Variants in NIM1K observed in about 807,000 individuals in gnomAD.
NIM1K encodes the protein serine/threonine-protein kinase NIM1.
Under a neutral mutation model 37.1 loss-of-function variants are expected in NIM1K, and 35 were observed. That is an observed-to-expected ratio of 0.94 (90% CI 0.72 to 1.25). The LOEUF (loss-of-function observed/expected upper bound fraction) is 1.25, where lower values mean the gene tolerates loss of function less well. Ranked by LOEUF, NIM1K falls within the 50% of genes most tolerant of loss-of-function variation. The probability of loss-of-function intolerance (pLI) is 0.00; values close to 1 mark genes in which losing one functional copy is unlikely to be tolerated. For synonymous variants in NIM1K, 234 were observed against 206.6 expected, an observed-to-expected ratio of 1.13 and a Z score of -1.14; for missense variants, 564 against 548.0, an observed-to-expected ratio of 1.03 and a Z score of -0.29.
chr5:43,236,126 C>T (rs1249068709), intron 1 of NIM1K, among the ~76,000 whole-genome samples: 1 of 151,704 alleles, frequency 6.6e-6, no homozygotes, highest in Non-Finnish European at 1.5e-5. Context: ...AATAACCAGG[C>T]ATGGTGGTGT....
chr5:43,253,224 G>GAATATAA (rs1561088082), intron 2 of NIM1K, among the ~76,000 whole-genome samples: 4 of 117,894 alleles, frequency 3.4e-5, no homozygotes, highest in East Asian at 7.5e-4. Flanking sequence ...GTGTGTGTGT[G>GAATATAA]TGTGTGTGTG....
intron 2 of NIM1K, among the ~76,000 whole-genome samples, chr5:43,261,741 A>C (rs1304238673): frequency 6.6e-6 from 1 of 152,112 alleles, no homozygotes; most frequent in Non-Finnish European, 1.5e-5. Flanking sequence ...TTATAGTTTT[A>C]GGTCTAACAT....
At chr5:43,253,437 G>T (rs1752898841) in intron 2 of NIM1K, among the ~76,000 whole-genome samples, 1 of 151,726 alleles carries the variant, frequency 6.6e-6, no homozygotes. Context: ...AATTTCACAG[G>T]AGAAGGAGGA....
At chr5:43,228,295 C>T (rs577971013) in intron 1 of NIM1K, among the ~76,000 whole-genome samples, 20 of 151,846 alleles carry the variant, frequency 1.3e-4, no homozygotes, top group Admixed American at 1.0e-3. Flanking sequence ...TACAGGTGCC[C>T]GCCACCACAC....
chr5:43,253,212 A>ATAATATAATATATGTGTGTG lies in NIM1K; in HGVS notation c.292+7146_292+7147insAATATAATATATGTGTGTGT, dbSNP rs1300038063. ...TATAATATAATATATAATATAATATATGTGTGTGTGTGTGTGTGTGTGTGT... is the reference window on the plus strand; with the variant it reads ...TATAATATAATATATAATATAATATATAATATAATATATGTGTGTGTGTGTGTGTGTGTGTGTGTGTGTGT... On this transcript the variant is annotated intron_variant, in intron 2 of 3. Transcript: ENST00000326035. Among the ~76,000 whole-genome samples the ATAATATAATATATGTGTGTG allele has an allele frequency of 1.6e-3, 215 of 131,724 alleles. 5 individuals are homozygous for ATAATATAATATATGTGTGTG. In the East Asian group the frequency reaches 0.036, roughly 22 times the overall value. The allele number at this position is 131,724 out of a possible 152,430, so 86.4% of individuals were successfully genotyped here.
chr5:43,232,352 A>T, intron 1 of NIM1K: 2 of 1,334,502 alleles, frequency 1.5e-6, no homozygotes, highest in Non-Finnish European at 2.1e-6. Context: ...CAGAGATGAC[A>T]GGGCATATGT....
intron 1 of NIM1K, chr5:43,240,349 A>C (rs1181972057): frequency 6.6e-6 from 1 of 151,994 alleles, no homozygotes; most frequent in Non-Finnish European, 1.5e-5. Flanking sequence ...TGCTGGGATT[A>C]TAGGTGTGAG....
rs545710474 is a variant in NIM1K at position 43,238,535 on chromosome 5, T to C, written c.-694-6547T>C. On this transcript the variant is annotated intron_variant, in intron 1 of 3. Transcript: ENST00000326035. ...AGATTGTTTTTTAGGTTGAGCATGG[T>C]TTCTTTCTTTCATTTTGGAGCCTTT... 4.6e-5 allele frequency among the ~76,000 whole-genome samples: 7 copies of C among 151,992 alleles called. No individual in the cohort carries two copies. The South Asian group carries it at 1.4e-3, about 31-fold the overall frequency.
chr5:43,238,187 C>T (rs1016143438), intron 1 of NIM1K, among the ~76,000 whole-genome samples: 10 of 151,802 alleles, frequency 6.6e-5, no homozygotes, highest in Non-Finnish European at 1.5e-4. Context: ...GAACTACAGG[C>T]GCCCGCCACC....
intron 1 of NIM1K, among the ~76,000 whole-genome samples, chr5:43,220,894 AGAGAAGAAGGCAG>A (rs1303235456): frequency 6.6e-6 from 1 of 152,184 alleles, no homozygotes; most frequent in Non-Finnish European, 1.5e-5. Flanking sequence ...GGGGGACATG[AGAGAAGAAGGCAG>A]TAAGCATAGG....
At position 43,249,420 on chromosome 5, in the gene NIM1K, C is replaced by T. The variant is rs758767572; in HGVS notation, c.292+3353C>T. Among the ~76,000 whole-genome samples, 21 of 152,116 alleles carry T rather than the reference C, an allele frequency of 1.4e-4. No individual in the cohort carries two copies. In the East Asian group the frequency reaches 1.7e-3, roughly 13 times the overall value. ...GTCTTCAACTGAGAAAACACCTGCA[C>T]GACACACCCATAATAATGTTTAATG... On this transcript the variant is annotated intron_variant, in intron 2 of 3. Coordinates refer to ENST00000326035, the MANE Select transcript of NIM1K (RefSeq NM_153361.4).
intron 1 of NIM1K, among the ~76,000 whole-genome samples, chr5:43,195,414 T>C (rs1751897339): frequency 6.6e-6 from 1 of 152,002 alleles, no homozygotes; most frequent in African/African-American, 2.4e-5. Context: ...TCCCAATACT[T>C]TGGGAGGCTG....
intron 2 of NIM1K, among the ~76,000 whole-genome samples, chr5:43,264,187 TG>T (rs1352108691): frequency 6.6e-6 from 1 of 152,212 alleles, no homozygotes; most frequent in African/African-American, 2.4e-5. Context: ...GTTAACTTTC[TG>T]TCTCATTGAT....
Position 43,277,062 on chromosome 5 carries a change from G to A in NIM1K, c.298G>A (p.Val100Met). The change falls in exon 3 of 4, where the codon GTG becomes ATG. Residue 100 changes from valine to methionine, a missense_variant. By Grantham distance (21) the Val-to-Met change is conservative. Transcript: ENST00000326035. ...LGIHSLTKEK[V>M]AIKILDKTKL... ...TTTACTTTTTTTCCTTGCAGAAAAGGTGGCCATTAAGATCCTGGACAAGAC... is the reference window on the plus strand; with the variant it reads ...TTTACTTTTTTTCCTTGCAGAAAAGATGGCCATTAAGATCCTGGACAAGAC... 4 of 1,612,642 alleles carry A rather than the reference G, an allele frequency of 2.5e-6. No individual in the cohort carries two copies. Among genetic ancestry groups the A allele is most frequent in the Non-Finnish European group, 3.4e-6 (4 of 1,179,616 alleles).
At chr5:43,274,724 G>A (rs1753312573) in intron 2 of NIM1K, among the ~76,000 whole-genome samples, 1 of 152,200 alleles carries the variant, frequency 6.6e-6, no homozygotes, top group Admixed American at 6.5e-5. Flanking sequence ...TGCGAGGGGC[G>A]GGCTGGCTGC....
chr5:43,232,438 A>G, intron 1 of NIM1K: 1 of 1,484,838 alleles, frequency 6.7e-7, no homozygotes, highest in Non-Finnish European at 9.4e-7. Context: ...TCAGGACTCC[A>G]TCAAATCTCA....
Position 43,232,132 on chromosome 5 carries a change from C to A in NIM1K, c.-694-12950C>A, listed in dbSNP as rs551982033. On this transcript the variant is annotated intron_variant, in intron 1 of 3. Coordinates refer to ENST00000326035, the MANE Select transcript of NIM1K (RefSeq NM_153361.4). ...TGCCAACCTTGAAGCCAGGGGGCAC[C>A]AAACCACAAATTAGATGATACACTT... The A allele has an allele frequency of 8.1e-4, 826 of 1,022,612 alleles. 2 individuals carry two copies. The highest frequency in any genetic ancestry group is 3.1e-3 in the African/African-American group (197 of 63,064). The allele number at this position is 1,022,612 out of a possible 1,614,324, so 63.3% of individuals were successfully genotyped here.
intron 1 of NIM1K, among the ~76,000 whole-genome samples, chr5:43,243,728 T>G (rs1752737790): frequency 6.6e-6 from 1 of 152,094 alleles, no homozygotes; most frequent in African/African-American, 2.4e-5. Flanking sequence ...CAGGCTGGAG[T>G]ACAGTGGCTT....
chr5:43,249,739 T>C (rs1410569403), intron 2 of NIM1K, among the ~76,000 whole-genome samples: 1 of 152,126 alleles, frequency 6.6e-6, no homozygotes, highest in Non-Finnish European at 1.5e-5. Flanking sequence ...ATTGAGAAGA[T>C]TGTAGAAATG....
Sources: allele counts gnomAD v4.1 joint callset (sites outside exome capture counted in the v4.1 genomes callset), GRCh38; gene constraint gnomAD v4.1.1; transcripts MANE v1.5; gene names NCBI Gene and HGNC (gene_info 2026-07-23, HGNC 2026-07-21).